Variants in LOXL2 observed in about 807,000 individuals in gnomAD.
LOXL2 encodes the protein lysyl oxidase homolog 2.
Under a neutral mutation model 93.0 loss-of-function variants are expected in LOXL2, and 70 were observed. The ratio of observed to expected loss-of-function variants is 0.75; its 90% CI spans 0.62 to 0.92. LOXL2 has a LOEUF of 0.92. Among genes scored for constraint, LOXL2 ranks in the 40% least tolerant of loss-of-function variants. The pLI is 0.00. For synonymous variants in LOXL2, 438 were observed against 413.2 expected (o/e 1.06, Z -0.73); for missense variants, 973 against 1,054.9 (o/e 0.92, Z 1.08).
intron 1 of LOXL2, among the ~76,000 whole-genome samples, chr8:23,384,730 G>A (rs1023688439): frequency 2.6e-5 from 4 of 152,142 alleles, no homozygotes; most frequent in Admixed American, 2.6e-4. Context: ...CCTGGCCAAT[G>A]TGGTGAAACC....
chr8:23,402,969 C>G (rs899515713), intron 1 of LOXL2, among the ~76,000 whole-genome samples: 11 of 152,072 alleles, frequency 7.2e-5, no homozygotes, highest in Non-Finnish European at 1.3e-4. Flanking sequence ...CACCCTCGCC[C>G]CGCTCCGCCC....
At chr8:23,390,712 A>G (rs982705716) in intron 1 of LOXL2, among the ~76,000 whole-genome samples, 1 of 152,194 alleles carries the variant, frequency 6.6e-6, no homozygotes, top group South Asian at 2.1e-4. Flanking sequence ...ACATTAGTCT[A>G]TAAGACACAT....
chr8:23,375,811 T>G lies in LOXL2; in HGVS notation c.-83-7377A>C, dbSNP rs563939426. Among the ~76,000 whole-genome samples, 10 of 152,338 alleles carry G rather than the reference T, an allele frequency of 6.6e-5. No individual in the cohort carries two copies. The East Asian group carries it at 1.9e-3, about 29-fold the overall frequency. ...TTTGTATCCTGAGACTTTGCTGAAG[T>G]TGCTTATCAGCTTAAGGAGATTTTG... On this transcript the variant is annotated intron_variant, in intron 1 of 13. Coordinates refer to ENST00000389131, the MANE Select transcript of LOXL2 (RefSeq NM_002318.3).
chr8:23,313,132 T>C (rs1269850957), intron 9 of LOXL2, among the ~76,000 whole-genome samples: 1 of 152,072 alleles, frequency 6.6e-6, no homozygotes, highest in Admixed American at 6.5e-5. Flanking sequence ...TACAAACCAC[T>C]GCTCAACAAA....
intron 6 of LOXL2, among the ~76,000 whole-genome samples, chr8:23,322,587 G>T (rs1327131624): frequency 6.6e-6 from 1 of 152,184 alleles, no homozygotes; most frequent in Non-Finnish European, 1.5e-5. Flanking sequence ...AAAGGAATTG[G>T]ACTAGAAGTT....
intron 6 of LOXL2, 83 bp downstream of exon 6, chr8:23,328,299 G>A: frequency 4.8e-6 from 7 of 1,457,298 alleles, no homozygotes; most frequent in Non-Finnish European, 6.7e-6. Context: ...GATTTCCCGA[G>A]AGCTCACGGC....
At position 23,367,994 on chromosome 8, in the gene LOXL2, T is replaced by G; in HGVS notation, c.355+3A>C. ...ACTCAGATCCAAAGCACAGAGCGTT[T>G]ACCTTCTCCCTTGCCGTAGGAGGAG... On this transcript the variant is annotated splice_donor_region_variant and intron_variant, in intron 2 of 13. Coordinates refer to ENST00000389131, the MANE Select transcript of LOXL2 (RefSeq NM_002318.3). The G allele has an allele frequency of 6.2e-7, 1 of 1,610,184 alleles. No individual in the cohort carries two copies. Among genetic ancestry groups the G allele is most frequent in the South Asian group, 1.1e-5 (1 of 90,762 alleles).
At chr8:23,352,718 G>A (rs1441016085) in intron 3 of LOXL2, among the ~76,000 whole-genome samples, 14 of 151,964 alleles carry the variant, frequency 9.2e-5, no homozygotes, top group Admixed American at 6.6e-4. Flanking sequence ...AGGTCTCAGC[G>A]TCCTTCCAGA....
At chr8:23,314,456 T>G (rs930529477) in intron 9 of LOXL2, among the ~76,000 whole-genome samples, 2 of 130,332 alleles carry the variant, frequency 1.5e-5, no homozygotes, top group African/African-American at 5.4e-5. Flanking sequence ...TGGAATACTA[T>G]GCAGCCATAA....
At chr8:23,305,609 C>T (rs936091471) in intron 10 of LOXL2, among the ~76,000 whole-genome samples, 1 of 151,322 alleles carries the variant, frequency 6.6e-6, no homozygotes, top group East Asian at 2.0e-4. Context: ...AGGTATTCCT[C>T]CTCTTGCAGG....
At chr8:23,389,352 G>A (rs1214912254) in intron 1 of LOXL2, among the ~76,000 whole-genome samples, 1 of 152,040 alleles carries the variant, frequency 6.6e-6, no homozygotes, top group South Asian at 2.1e-4. Context: ...AAAGCAATCC[G>A]TTTTGAATCA....
intron 9 of LOXL2, among the ~76,000 whole-genome samples, chr8:23,311,028 G>A (rs1803312393): frequency 6.6e-6 from 1 of 152,190 alleles, no homozygotes; most frequent in East Asian, 1.9e-4. Flanking sequence ...ATTTTGACAA[G>A]TTGCTTGTAA....
intron 3 of LOXL2, among the ~76,000 whole-genome samples, chr8:23,352,993 A>AGGTGG (rs1295878321): frequency 5.7e-5 from 1 of 17,604 alleles, no homozygotes; most frequent in Non-Finnish European, 1.1e-4. Flanking sequence ...GTAAGGAAGG[A>AGGTGG]GGTGGGGTGG....
At chr8:23,342,181 C>T (rs918260018) in intron 3 of LOXL2, among the ~76,000 whole-genome samples, 1 of 152,116 alleles carries the variant, frequency 6.6e-6, no homozygotes, top group African/African-American at 2.4e-5. Flanking sequence ...GACCTGAGTC[C>T]CAGGGATCGG....
chr8:23,395,051 C>T (rs1044541114), intron 1 of LOXL2, among the ~76,000 whole-genome samples: 9 of 152,068 alleles, frequency 5.9e-5, no homozygotes, highest in East Asian at 1.9e-4. Context: ...GTCAAGAGAT[C>T]GAGACCATCC....
chr8:23,330,274 C>CA (rs1803650650), intron 5 of LOXL2, among the ~76,000 whole-genome samples: 1 of 152,228 alleles, frequency 6.6e-6, no homozygotes, highest in South Asian at 2.1e-4. Context: ...GCGGAGCTTG[C>CA]AGTGAGCCGA....
Position 23,383,645 on chromosome 8 carries a change from CGTTTTTTTTTTGTT to C in LOXL2, c.-83-15225_-83-15212del, listed in dbSNP as rs1260292904. ...AGTTATTTCTAAGAGGGCACTTTTA[CGTTTTTTTTTTGTT>C]TTTTTTTTTTTTTTTTTTTGAGACA... On this transcript the variant is annotated intron_variant, in intron 1 of 13. Coordinates refer to ENST00000389131, the MANE Select transcript of LOXL2 (RefSeq NM_002318.3). 6.7e-5 allele frequency among the ~76,000 whole-genome samples: 8 copies of C among 119,782 alleles called. No homozygotes were observed. In the East Asian group the frequency reaches 1.8e-3, roughly 27 times the overall value. The allele number at this position is 119,782 out of a possible 152,430, so 78.6% of individuals were successfully genotyped here.
intron 3 of LOXL2, among the ~76,000 whole-genome samples, chr8:23,356,393 C>T (rs1314096161): frequency 6.6e-6 from 1 of 152,236 alleles, no homozygotes; most frequent in South Asian, 2.1e-4. Flanking sequence ...GCTACTGATA[C>T]AGGCCATTCC....
At chr8:23,380,290 G>A (rs184126126) in intron 1 of LOXL2, among the ~76,000 whole-genome samples, 2 of 151,706 alleles carry the variant, frequency 1.3e-5, no homozygotes, top group African/African-American at 4.8e-5. Context: ...CTACTCAGGA[G>A]GCTGAGGCAG....
Sources: gnomAD v4.1 joint callset for allele counts (sites outside exome capture counted in the v4.1 genomes callset) on GRCh38, gnomAD v4.1.1 for gene constraint, MANE v1.5 for transcripts, NCBI Gene and HGNC (gene_info 2026-07-23, HGNC 2026-07-21) for gene names.